TRMT9B: variants seen among roughly 807,000 people sequenced by gnomAD.
TRMT9B encodes tRNA methyltransferase 9B (putative).
In TRMT9B, 16 loss-of-function variants were observed where a neutral mutation model predicts 11.5. The ratio of observed to expected loss-of-function variants is 1.39; its 90% confidence interval spans 0.94 to 2.11. TRMT9B has a LOEUF of 2.11. Ranked by LOEUF, TRMT9B falls within the 30% of genes most tolerant of loss-of-function variation. The pLI, the probability that TRMT9B is intolerant of heterozygous loss-of-function variation, is 0.00. For synonymous variants in TRMT9B, 274 were observed against 192.4 expected (o/e 1.42, Z -3.51); for missense variants, 941 against 553.8 (o/e 1.70, Z -7.02).
chr8:12,968,988 G>T (rs1803204506), intron 1 of TRMT9B, among the ~76,000 whole-genome samples: 1 of 152,202 alleles, frequency 6.6e-6, no homozygotes, highest in South Asian at 2.1e-4. Context: ...AAGGCAGGTG[G>T]ATCACCTGAG....
intron 1 of TRMT9B, among the ~76,000 whole-genome samples, chr8:12,967,014 G>C (rs746823480): frequency 6.6e-6 from 1 of 152,108 alleles, no homozygotes; most frequent in Non-Finnish European, 1.5e-5. Flanking sequence ...AGACACCGAC[G>C]GTGAATACTC....
intron 1 of TRMT9B, among the ~76,000 whole-genome samples, chr8:12,950,368 C>T (rs1280702401): frequency 6.6e-6 from 1 of 152,156 alleles, no homozygotes; most frequent in Non-Finnish European, 1.5e-5. Flanking sequence ...TATGCTTTGT[C>T]TCCTAATGCA....
At position 13,029,030 on chromosome 8, in the gene TRMT9B, G is replaced by C. The variant is rs908848754; in HGVS notation, c.*6986G>C. 3 of 166,696 alleles carry C rather than the reference G, an allele frequency of 1.8e-5. No homozygotes were observed. The highest frequency in any genetic ancestry group is 3.1e-3 in the Middle Eastern group (1 of 318). The allele number at this position is 166,696 out of a possible 1,614,324, so 10.3% of individuals were successfully genotyped here. A position where few individuals can be genotyped will look rare whatever the true frequency, so the allele number is the denominator to read the frequency against. ...TTTATATGCTCTCTTAAATATGTAT[G>C]TCTGTAAATATATATATAACACACA... On this transcript the variant is annotated 3_prime_UTR_variant, in exon 5 of 5. Transcript: ENST00000524591.
chr8:13,018,415 A>G (rs1457881004), intron 4 of TRMT9B, among the ~76,000 whole-genome samples: 1 of 144,392 alleles, frequency 6.9e-6, no homozygotes, highest in African/African-American at 2.6e-5. Flanking sequence ...AAAAACGACA[A>G]CAAAGAAAAA....
At chr8:12,980,436 A>G (rs1805171185) in intron 1 of TRMT9B, among the ~76,000 whole-genome samples, 1 of 152,140 alleles carries the variant, frequency 6.6e-6, no homozygotes, top group South Asian at 2.1e-4. Flanking sequence ...CCCAGGTTCC[A>G]GAGGTTAGGA....
At position 13,021,206 on chromosome 8, in the gene TRMT9B, G is replaced by A; in HGVS notation, c.527G>A (p.Gly176Glu). The A allele has an allele frequency of 6.2e-7, 1 of 1,613,854 alleles. No individual in the cohort carries two copies. The highest frequency in any genetic ancestry group is 1.1e-5 in the South Asian group (1 of 91,040). The change falls in exon 5 of 5, where the codon GGG becomes GAG. Residue 176 changes from glycine (G) to glutamate (E), a missense_variant. Coordinates refer to ENST00000524591, the MANE Select transcript of TRMT9B (RefSeq NM_020844.3). ...CTCTTCTCAGAGTCCAGCCAGTCTG[G>A]GAGGAAGAGGCAGTGTGGATACCCA... The part of the protein sequence containing the change: ...SQLFSESSQS[G>E]RKRQCGYPER...
At chr8:12,994,870 C>T (rs1808054707) in intron 2 of TRMT9B, among the ~76,000 whole-genome samples, 2 of 152,046 alleles carry the variant, frequency 1.3e-5, no homozygotes, top group Non-Finnish European at 2.9e-5. Context: ...TTAGTAGAGA[C>T]GGGGTTTCTC....
chr8:12,994,673 A>C lies in TRMT9B; in HGVS notation c.-2+3642A>C, dbSNP rs144198456. 3.6e-3 allele frequency among the ~76,000 whole-genome samples: 541 copies of C among 152,334 alleles called. 3 individuals carry two copies. The highest frequency in any genetic ancestry group is 0.012 in the African/African-American group (519 of 41,582). ...TGCAAGTGCAATTTAAACGACAAGA[A>C]ACGAACATTTTCTTTTTTTTTATTT... On this transcript the variant is annotated intron_variant, in intron 2 of 4. Coordinates refer to ENST00000524591, the MANE Select transcript of TRMT9B (RefSeq NM_020844.3).
At chr8:12,959,310 T>C (rs1384988154) in intron 1 of TRMT9B, among the ~76,000 whole-genome samples, 1 of 152,166 alleles carries the variant, frequency 6.6e-6, no homozygotes, top group Non-Finnish European at 1.5e-5. Flanking sequence ...ACTTGACAGA[T>C]TGCGGTCAAA....
intron 3 of TRMT9B, chr8:13,012,160 A>G: frequency 1.0e-6 from 1 of 984,564 alleles, no homozygotes; most frequent in Non-Finnish European, 1.2e-6. Flanking sequence ...AATAAATGTT[A>G]TTTTTTTCCT....
chr8:12,994,665 C>G (rs957437827), intron 2 of TRMT9B, among the ~76,000 whole-genome samples: 4 of 152,142 alleles, frequency 2.6e-5, no homozygotes, highest in African/African-American at 9.7e-5. Context: ...GCAATTTAAA[C>G]GACAAGAAAC....
intron 1 of TRMT9B, among the ~76,000 whole-genome samples, chr8:12,986,497 C>T (rs1273651907): frequency 6.6e-6 from 1 of 152,180 alleles, no homozygotes; most frequent in Non-Finnish European, 1.5e-5. Context: ...GCATTGCTGA[C>T]CATTATGACA....
intron 2 of TRMT9B, among the ~76,000 whole-genome samples, chr8:12,998,918 G>A (rs533503640): frequency 6.6e-6 from 1 of 152,318 alleles, no homozygotes; most frequent in African/African-American, 2.4e-5. Context: ...AATACTCAGA[G>A]TTGCCTTTGA....
In TRMT9B at chr8:13,006,240, T is replaced by C. The variant is rs772654264; in HGVS notation, c.38T>C (p.Val13Ala). Residue 13 changes from valine (V) to alanine (A), a missense_variant, in exon 3 of 5, where the codon GTG (valine) becomes GCG (alanine). Physicochemically the swap from Val to Ala is moderately conservative, Grantham distance 64. Transcript: ENST00000524591. ...HEAAQLEKQH[V>A]HNVYESTAPY... ...GCCGCCCAGCTGGAGAAGCAGCATG[T>C]GCACAATGTGTACGAGAGCACAGCC... is the stretch of plus-strand genomic sequence containing the variant. 6.2e-7 allele frequency: 1 copy of C among 1,614,008 alleles called. No individual in the cohort carries two copies. Among genetic ancestry groups the C allele is most frequent in the Admixed American group, 1.7e-5 (1 of 60,018 alleles).
intron 1 of TRMT9B, among the ~76,000 whole-genome samples, chr8:12,966,623 A>G (rs1802858848): frequency 6.6e-6 from 1 of 152,216 alleles, no homozygotes; most frequent in Non-Finnish European, 1.5e-5. Flanking sequence ...ATTGGTCTAA[A>G]TTTTTAGTTC....
intron 4 of TRMT9B, among the ~76,000 whole-genome samples, chr8:13,019,045 G>T (rs1292780610): frequency 6.6e-6 from 1 of 152,136 alleles, no homozygotes; most frequent in Non-Finnish European, 1.5e-5. Context: ...GGCTCAAGTT[G>T]CCCCTCTGCA....
chr8:12,975,168 T>C (rs1400962522), intron 1 of TRMT9B, among the ~76,000 whole-genome samples: 1 of 152,046 alleles, frequency 6.6e-6, no homozygotes, highest in Non-Finnish European at 1.5e-5. Context: ...GGAGGGTTTG[T>C]ATTATAGAAG....
intron 4 of TRMT9B, among the ~76,000 whole-genome samples, chr8:13,017,387 T>C (rs1438427932): frequency 6.6e-6 from 1 of 152,184 alleles, no homozygotes; most frequent in Admixed American, 6.5e-5. Flanking sequence ...AGGAAAATAC[T>C]GCTTTAGGAT....
intron 1 of TRMT9B, among the ~76,000 whole-genome samples, chr8:12,955,366 T>C (rs563239641): frequency 6.6e-6 from 1 of 152,144 alleles, no homozygotes; most frequent in East Asian, 1.9e-4. Flanking sequence ...AGGAGTTTGG[T>C]GTATGGTCCT....
Sources: allele counts gnomAD v4.1 joint callset (sites outside exome capture counted in the v4.1 genomes callset), GRCh38; gene constraint gnomAD v4.1.1; transcripts MANE v1.5; gene names NCBI Gene and HGNC (gene_info 2026-07-23, HGNC 2026-07-21).